Variants in CDH9 observed in about 807,000 individuals in gnomAD.
The protein encoded by CDH9 is cadherin-9.
Under a neutral mutation model 70.9 loss-of-function variants are expected in CDH9, and 28 were observed. The observed-to-expected ratio is 0.40, with a 90% confidence interval of 0.29 to 0.54. CDH9 has a LOEUF of 0.54. Ranked by LOEUF, CDH9 falls within the 20% of genes least tolerant of loss-of-function variation. The probability of loss-of-function intolerance (pLI) is 0.59; values close to 1 mark genes in which losing one functional copy is unlikely to be tolerated. For missense variants in CDH9, 874 were observed against 984.4 expected (o/e 0.89, Z 1.50); for synonymous variants, 409 against 343.1 (o/e 1.19, Z -2.12).
chr5:26,979,715 A>G (rs560320653), intron 2 of CDH9, among the ~76,000 whole-genome samples: 1 of 151,944 alleles, frequency 6.6e-6, no homozygotes, highest in East Asian at 1.9e-4. Flanking sequence ...TAAACCACAC[A>G]AGCACACTCA....
intron 2 of CDH9, among the ~76,000 whole-genome samples, chr5:26,979,546 T>C (rs747899389): frequency 2.6e-5 from 4 of 151,806 alleles, no homozygotes; most frequent in Non-Finnish European, 5.9e-5. Flanking sequence ...AATAATGGCA[T>C]TATATATGAA....
intron 6 of CDH9, chr5:26,903,421 T>G (rs779316208): frequency 3.2e-4 from 211 of 651,414 alleles, no homozygotes; most frequent in Middle Eastern, 1.3e-3. Context: ...ATTTGACTGT[T>G]TTCTAGTTTT....
intron 2 of CDH9, among the ~76,000 whole-genome samples, chr5:26,932,589 T>C (rs932039184): frequency 2.0e-5 from 3 of 152,144 alleles, no homozygotes; most frequent in African/African-American, 7.2e-5. Context: ...TGTTCTATCT[T>C]CTTTGATTAG....
rs184304056 is a variant in CDH9, at chr5:27,017,636, G to T, written c.-50+20827C>A. ...TTATTTATTCAACATTTTAACTCTC[G>T]GTTATATTTATTTCGTCATCAAGTT... On this transcript the variant is annotated intron_variant, in intron 1 of 11. Transcript: ENST00000231021. 1.1e-4 allele frequency among the ~76,000 whole-genome samples: 16 copies of T among 151,742 alleles called. No individual in the cohort carries two copies. The East Asian group carries it at 1.7e-3, about 17-fold the overall frequency.
At chr5:27,035,435 G>T (rs948612370) in intron 1 of CDH9, among the ~76,000 whole-genome samples, 1 of 151,590 alleles carries the variant, frequency 6.6e-6, no homozygotes, top group Non-Finnish European at 1.5e-5. Context: ...TAGGAAACAT[G>T]TTTTATGTTC....
chr5:27,031,263 A>G (rs981298416), intron 1 of CDH9, among the ~76,000 whole-genome samples: 1 of 151,886 alleles, frequency 6.6e-6, no homozygotes, highest in Non-Finnish European at 1.5e-5. Context: ...ATGACTATAC[A>G]TAGAATTCTA....
At chr5:26,887,302 A>T (rs1740581445) in intron 9 of CDH9, among the ~76,000 whole-genome samples, 3 of 151,738 alleles carry the variant, frequency 2.0e-5, no homozygotes, top group Non-Finnish European at 2.9e-5. Flanking sequence ...TTTAGTAATA[A>T]TTTAAATCAT....
intron 1 of CDH9, among the ~76,000 whole-genome samples, chr5:26,991,893 T>A (rs188321568): frequency 6.6e-6 from 1 of 152,294 alleles, no homozygotes; most frequent in East Asian, 1.9e-4. Context: ...ATTTTTATAC[T>A]TCTATCACCA....
chr5:26,933,176 T>G (rs186539681), intron 2 of CDH9, among the ~76,000 whole-genome samples: 157 of 148,050 alleles, frequency 1.1e-3, no homozygotes, highest in Non-Finnish European at 1.9e-3. Flanking sequence ...TATATATGAT[T>G]TTATATAATT....
intron 2 of CDH9, among the ~76,000 whole-genome samples, chr5:26,969,241 G>A (rs745389366): frequency 1.7e-4 from 26 of 152,058 alleles, no homozygotes; most frequent in East Asian, 3.9e-4. Context: ...GAATATATCC[G>A]CTGAATAAAT....
At chr5:27,021,721 A>T (rs577689167) in intron 1 of CDH9, among the ~76,000 whole-genome samples, 5 of 152,048 alleles carry the variant, frequency 3.3e-5, no homozygotes, top group African/African-American at 1.2e-4. Context: ...AGACTGGGGC[A>T]AGATATCATT....
At position 26,901,258 on chromosome 5, in the gene CDH9, G is replaced by A. The variant is rs906576713; in HGVS notation, c.1253+1218C>T. Reference sequence around the variant, plus strand: ...AAGTACATAATTTGATACTGATAATGTATTTTTTTAAAACAGATGTTTAGT... The same window carrying A: ...AAGTACATAATTTGATACTGATAATATATTTTTTTAAAACAGATGTTTAGT... On this transcript the variant is annotated intron_variant, in intron 7 of 11. Transcript: ENST00000231021. Among the ~76,000 whole-genome samples the A allele has an allele frequency of 2.0e-5, 3 of 151,984 alleles. No individual in the cohort carries two copies. The East Asian group carries it at 5.8e-4, about 29-fold the overall frequency.
chr5:26,920,998 G>A (rs190446043), intron 2 of CDH9, among the ~76,000 whole-genome samples: 1 of 152,268 alleles, frequency 6.6e-6, no homozygotes, highest in East Asian at 1.9e-4. Flanking sequence ...AGGAAAACAT[G>A]ACTTCGTCAA....
At chr5:26,968,360 A>C (rs1742163217) in intron 2 of CDH9, among the ~76,000 whole-genome samples, 1 of 151,962 alleles carries the variant, frequency 6.6e-6, no homozygotes, top group Non-Finnish European at 1.5e-5. Flanking sequence ...ATCTCGGCTC[A>C]CTGCAACCTC....
chr5:26,977,224 G>A (rs2112079845), intron 2 of CDH9, among the ~76,000 whole-genome samples: 1 of 151,858 alleles, frequency 6.6e-6, no homozygotes, highest in Admixed American at 6.6e-5. Flanking sequence ...TTCTCAAACA[G>A]TTTCTCAGAC....
intron 7 of CDH9, among the ~76,000 whole-genome samples, chr5:26,892,998 G>T (rs1307531898): frequency 6.6e-6 from 1 of 152,138 alleles, no homozygotes; most frequent in African/African-American, 2.4e-5. Flanking sequence ...CTCCCAAAGT[G>T]CTAGGACTAC....
chr5:26,981,921 G>A (rs1410937939), intron 2 of CDH9, among the ~76,000 whole-genome samples: 1 of 151,816 alleles, frequency 6.6e-6, no homozygotes, highest in Non-Finnish European at 1.5e-5. Context: ...TTAACAGGGA[G>A]CACATACTGC....
At chr5:27,021,341 T>G (rs1201037016) in intron 1 of CDH9, among the ~76,000 whole-genome samples, 1 of 151,782 alleles carries the variant, frequency 6.6e-6, no homozygotes, top group African/African-American at 2.4e-5. Flanking sequence ...CAATTGTATA[T>G]TCCCCCAGAA....
At chr5:27,020,261 A>G (rs1255236980) in intron 1 of CDH9, among the ~76,000 whole-genome samples, 1 of 151,770 alleles carries the variant, frequency 6.6e-6, no homozygotes, top group Admixed American at 6.6e-5. Flanking sequence ...AGTAAGGGTT[A>G]AGCAAATACA....
Sources: gnomAD v4.1 joint callset for allele counts (sites outside exome capture counted in the v4.1 genomes callset) on GRCh38, gnomAD v4.1.1 for gene constraint, MANE v1.5 for transcripts, NCBI Gene and HGNC (gene_info 2026-07-23, HGNC 2026-07-21) for gene names.